HYCC1: variants seen among roughly 807,000 people sequenced by gnomAD.
The protein encoded by HYCC1 is hyccin.
At chr7:22,960,468 A>G in the HYCC1 span, 5 of 1,403,694 alleles carry the variant, frequency 3.6e-6, no homozygotes, top group Non-Finnish European at 5.0e-6. Flanking sequence ...GAGCAGATAT[A>G]TTATCTAACC....
At chr7:22,940,234 C>CTTTTT in the HYCC1 span, 1 of 76,156 alleles carries the variant, frequency 1.3e-5, no homozygotes, top group African/African-American at 5.5e-5. Flanking sequence ...TTAATAGGTT[C>CTTTTT]TGTTTTTTTT....
chr7:22,911,486 G>A, the HYCC1 span, among the ~76,000 whole-genome samples: 3 of 152,158 alleles, frequency 2.0e-5, no homozygotes, highest in East Asian at 1.9e-4. Flanking sequence ...AAGGCCAGGC[G>A]CAGTGGCTCA....
At chr7:22,896,414 A>ACT in the HYCC1 span, among the ~76,000 whole-genome samples, 1 of 152,216 alleles carries the variant, frequency 6.6e-6, no homozygotes, top group Non-Finnish European at 1.5e-5. Flanking sequence ...GAGCTGCTTT[A>ACT]AGAGACAGGG....
chr7:22,956,648 G>A, the HYCC1 span, among the ~76,000 whole-genome samples: 65 of 151,830 alleles, frequency 4.3e-4, no homozygotes, highest in South Asian at 6.8e-3. Context: ...CCTTACAAAC[G>A]TACCACTCTG....
the HYCC1 span, chr7:22,964,682 T>C: frequency 1.3e-5 from 8 of 628,708 alleles, no homozygotes; most frequent in Non-Finnish European, 2.3e-5. Context: ...AACATTTGTC[T>C]GTAATACATT....
the HYCC1 span, among the ~76,000 whole-genome samples, chr7:22,981,530 G>GT: frequency 1.2e-4 from 18 of 152,098 alleles, no homozygotes; most frequent in Non-Finnish European, 2.2e-4. Flanking sequence ...AGAGCGAGTG[G>GT]TTTTTTTAAG....
the HYCC1 span, among the ~76,000 whole-genome samples, chr7:22,954,348 T>G: frequency 6.6e-6 from 1 of 151,320 alleles, no homozygotes; most frequent in East Asian, 1.9e-4. Flanking sequence ...TTATTAGAAT[T>G]TTCTAAATCA....
chr7:23,002,136 G>GTATATATATATA, the HYCC1 span, among the ~76,000 whole-genome samples: 33 of 76,570 alleles, frequency 4.3e-4, no homozygotes, highest in Non-Finnish European at 6.3e-4. Context: ...GGTAAAAATT[G>GTATATATATATA]TATATATATA....
chr7:22,985,595 C>T, the HYCC1 span: 1 of 151,886 alleles, frequency 6.6e-6, no homozygotes, highest in Admixed American at 6.6e-5. Context: ...TCACAATTCT[C>T]CCGACGGGGG....
At chr7:22,924,556 G>A in the HYCC1 span, among the ~76,000 whole-genome samples, 1 of 152,208 alleles carries the variant, frequency 6.6e-6, no homozygotes, top group Non-Finnish European at 1.5e-5. Flanking sequence ...GGCTCCGAGG[G>A]TCCTACACCC....
At chr7:22,968,321 C>T in the HYCC1 span, among the ~76,000 whole-genome samples, 1 of 152,138 alleles carries the variant, frequency 6.6e-6, no homozygotes, top group Admixed American at 6.5e-5. Flanking sequence ...CCTTTCTCCC[C>T]ACTTGCAGGA....
the HYCC1 span, among the ~76,000 whole-genome samples, chr7:22,912,939 C>T: frequency 6.6e-6 from 1 of 152,072 alleles, no homozygotes; most frequent in South Asian, 2.1e-4. Flanking sequence ...TCGAGGCCAG[C>T]CTGGATGAAA....
chr7:22,950,674 C>A, the HYCC1 span, among the ~76,000 whole-genome samples: 1 of 151,842 alleles, frequency 6.6e-6, no homozygotes, highest in African/African-American at 2.4e-5. Context: ...GTAGGTTTAG[C>A]AAGATGCTTA....
At chr7:22,898,592 T>C in the HYCC1 span, among the ~76,000 whole-genome samples, 1 of 103,742 alleles carries the variant, frequency 9.6e-6, no homozygotes, top group East Asian at 2.3e-4. Flanking sequence ...TTCTTTTCTT[T>C]TCTTTTCTTT....
chr7:22,934,347 C>G, the HYCC1 span: 4 of 150,806 alleles, frequency 2.7e-5, no homozygotes, highest in African/African-American at 9.8e-5. Flanking sequence ...CTCCCAAGTG[C>G]GATTGGTTTA....
chr7:22,966,622 A>G, the HYCC1 span, among the ~76,000 whole-genome samples: 1 of 152,228 alleles, frequency 6.6e-6, no homozygotes, highest in Non-Finnish European at 1.5e-5. Context: ...ATATAATACT[A>G]GCCAATAGAT....
the HYCC1 span, among the ~76,000 whole-genome samples, chr7:22,989,285 A>AATAC: frequency 1.2e-4 from 18 of 148,592 alleles, no homozygotes; most frequent in Non-Finnish European, 1.9e-4. Flanking sequence ...ACAAGCAGGA[A>AATAC]ACACACACAC....
At chr7:22,978,516 T>C in the HYCC1 span, 1 of 1,298,926 alleles carries the variant, frequency 7.7e-7, no homozygotes, top group Non-Finnish European at 1.1e-6. Context: ...ATATGAAGTA[T>C]AAAAGGTTTT....
At chr7:22,971,942 G>T in the HYCC1 span, among the ~76,000 whole-genome samples, 2 of 152,112 alleles carry the variant, frequency 1.3e-5, no homozygotes, top group African/African-American at 4.8e-5. Flanking sequence ...GGATGGGCAA[G>T]ATTTACATAC....
Sources: allele counts gnomAD v4.1 joint callset (sites outside exome capture counted in the v4.1 genomes callset), GRCh38; gene constraint gnomAD v4.1.1; transcripts MANE v1.5; gene names NCBI Gene and HGNC (gene_info 2026-07-23, HGNC 2026-07-21).